Variants in SEPTIN11 observed in about 807,000 individuals in gnomAD.
SEPTIN11 encodes the protein septin-11.
In SEPTIN11, 25 loss-of-function variants were observed where a neutral mutation model predicts 51.4. The ratio of observed to expected loss-of-function variants is 0.49; its 90% CI spans 0.35 to 0.68. The LOEUF (loss-of-function observed/expected upper bound fraction) is 0.68. Among genes scored for constraint, SEPTIN11 ranks in the 30% least tolerant of loss-of-function variants. The probability of loss-of-function intolerance (pLI) is 0.00; values close to 1 mark genes in which losing one functional copy is unlikely to be tolerated. For missense variants in SEPTIN11, 381 were observed against 520.8 expected (o/e 0.73, Z 2.61); for synonymous variants, 174 against 184.1 (o/e 0.95, Z 0.44).
chr4:77,001,166 T>C (rs1724095841), intron 2 of SEPTIN11, among the ~76,000 whole-genome samples: 1 of 152,248 alleles, frequency 6.6e-6, no homozygotes, highest in African/African-American at 2.4e-5. Context: ...TTTACTAGCA[T>C]TGGCAGGAAT....
In SEPTIN11 at chr4:77,034,605, A is replaced by ATT; in HGVS notation, c.*96_*97dup. On this transcript the variant is annotated 3_prime_UTR_variant, in exon 10 of 10. Coordinates refer to ENST00000264893, the MANE Select transcript of SEPTIN11 (RefSeq NM_018243.4). ...GTGTTCTTTAGTTTTATTTTATTTTATTTTATTTTTTTACCCTTCCTCAAA... is the reference window on the plus strand; with the variant it reads ...GTGTTCTTTAGTTTTATTTTATTTTATTTTTTATTTTTTTACCCTTCCTCAAA... 7.1e-7 allele frequency: 1 copy of ATT among 1,403,944 alleles called. No homozygotes were observed. The highest frequency in any genetic ancestry group is 9.3e-7 in the Non-Finnish European group (1 of 1,078,090). 87.0% of individuals were successfully genotyped at this position (1,403,944 alleles called of 1,614,324 possible).
At chr4:76,998,406 C>T (rs951754482) in intron 2 of SEPTIN11, among the ~76,000 whole-genome samples, 8 of 152,182 alleles carry the variant, frequency 5.3e-5, no homozygotes, top group Admixed American at 1.3e-4. Flanking sequence ...AGTATGGGTC[C>T]GCAGGGCTGC....
At chr4:76,982,327 C>G (rs1232611480) in intron 1 of SEPTIN11, among the ~76,000 whole-genome samples, 1 of 152,068 alleles carries the variant, frequency 6.6e-6, no homozygotes, top group Non-Finnish European at 1.5e-5. Flanking sequence ...TCTCCCACCT[C>G]AGCCTCCTTA....
rs140107230 is a variant in SEPTIN11, at chr4:77,011,563, A to G, written c.339-172A>G. 4.8e-3 allele frequency among the ~76,000 whole-genome samples: 737 copies of G among 152,056 alleles called. 1 individual carries two copies. Among genetic ancestry groups the G allele is most frequent in the Non-Finnish European group, 7.7e-3 (524 of 67,958 alleles). ...ACAAATGATTGGGCGTGGCTGGGAC[A>G]GGAGAGGTGAGCCTGGAGCGCTGTT... On this transcript the variant is annotated intron_variant, in intron 3 of 9. Coordinates refer to ENST00000264893, the MANE Select transcript of SEPTIN11 (RefSeq NM_018243.4).
At chr4:77,012,910 G>A (rs780077232) in intron 4 of SEPTIN11, among the ~76,000 whole-genome samples, 4 of 151,664 alleles carry the variant, frequency 2.6e-5, no homozygotes, top group African/African-American at 7.3e-5. Context: ...AGTACTCTTC[G>A]CAGAATAAAT....
chr4:76,957,483 C>A (rs1721612395), intron 1 of SEPTIN11, among the ~76,000 whole-genome samples: 1 of 152,160 alleles, frequency 6.6e-6, no homozygotes, highest in African/African-American at 2.4e-5. Flanking sequence ...CTGTAAAACA[C>A]TAACAGTACT....
chr4:77,020,494 T>A lies in SEPTIN11; in HGVS notation c.785-8T>A. On this transcript the variant is annotated splice_region_variant and splice_polypyrimidine_tract_variant and intron_variant, in intron 6 of 9. Coordinates refer to ENST00000264893, the MANE Select transcript of SEPTIN11 (RefSeq NM_018243.4). ...TCCCACTTCCGCCATTTCCCCCCTC[T>A]CTTGTAGTTGAGAATGAAAATCATT... is the stretch of plus-strand genomic sequence containing the variant. 1.2e-6 allele frequency: 2 copies of A among 1,613,434 alleles called. No homozygotes were observed. The highest frequency in any genetic ancestry group is 1.7e-6 in the Non-Finnish European group (2 of 1,179,690).
chr4:77,038,068 C>T lies in SEPTIN11; in HGVS notation c.*3556C>T. ...TCTGTGTGGTCCTACAAAAACTGTC[C>T]ATTCCCACCCCTTTGCTTTGCCATT... On this transcript the variant is annotated 3_prime_UTR_variant, in exon 10 of 10. Transcript: ENST00000264893. 2.0e-6 allele frequency: 2 copies of T among 985,888 alleles called. No individual in the cohort carries two copies. The highest frequency in any genetic ancestry group is 2.4e-6 in the Non-Finnish European group (2 of 829,944). 61.1% of individuals were successfully genotyped at this position (985,888 alleles called of 1,614,324 possible). A position where few individuals can be genotyped will look rare whatever the true frequency, so the allele number is the denominator to read the frequency against.
chr4:77,029,048 T>C (rs1726399383), intron 8 of SEPTIN11, among the ~76,000 whole-genome samples: 1 of 152,196 alleles, frequency 6.6e-6, no homozygotes, highest in African/African-American at 2.4e-5. Flanking sequence ...ACATGGCCTG[T>C]GTAGCTCTGT....
chr4:76,994,017 C>T (rs1006888118), intron 1 of SEPTIN11, among the ~76,000 whole-genome samples: 20 of 152,168 alleles, frequency 1.3e-4, no homozygotes, highest in African/African-American at 4.8e-4. Flanking sequence ...TATCTGGTAT[C>T]TAAAAACCCA....
chr4:76,993,962 T>C (rs2109931989), intron 1 of SEPTIN11, among the ~76,000 whole-genome samples: 1 of 152,264 alleles, frequency 6.6e-6, no homozygotes, highest in Admixed American at 6.5e-5. Flanking sequence ...ATGAGAGCTA[T>C]AATTACTAAC....
intron 1 of SEPTIN11, among the ~76,000 whole-genome samples, chr4:76,979,848 C>CAA (rs111689525): frequency 8.1e-6 from 1 of 124,202 alleles, no homozygotes; most frequent in African/African-American, 3.0e-5. Flanking sequence ...AACTCCATGT[C>CAA]AAAAAAAAAA....
intron 1 of SEPTIN11, among the ~76,000 whole-genome samples, chr4:76,972,169 G>A (rs1405606875): frequency 6.6e-6 from 1 of 152,108 alleles, no homozygotes. Flanking sequence ...TATTTATCTT[G>A]TTGAGGTTCA....
rs954196250 is a variant in SEPTIN11 at position 77,011,831 on chromosome 4, G to A, written c.435G>A (p.Thr145=). 8.1e-6 allele frequency: 13 copies of A among 1,614,036 alleles called. No homozygotes were observed. The highest frequency in any genetic ancestry group is 2.2e-5 in the East Asian group (1 of 44,876). ...IKRSLFNYHD[T]RIHACLYFIA... ...GTTCTCTCTTCAACTACCATGACAC[G>A]AGGATCCATGCCTGCCTCTACTTTA... Residue 145 remains threonine, a synonymous_variant, in exon 4 of 10, where the codon ACG becomes ACA. Coordinates refer to ENST00000264893, the MANE Select transcript of SEPTIN11 (RefSeq NM_018243.4).
At chr4:77,017,676 T>G (rs1725395909) in intron 5 of SEPTIN11, among the ~76,000 whole-genome samples, 1 of 152,242 alleles carries the variant, frequency 6.6e-6, no homozygotes, top group South Asian at 2.1e-4. Context: ...AGGAATTGGC[T>G]TGAAAACTTT....
At chr4:76,955,422 A>C (rs1334637791) in intron 1 of SEPTIN11, among the ~76,000 whole-genome samples, 1 of 151,970 alleles carries the variant, frequency 6.6e-6, no homozygotes, top group Non-Finnish European at 1.5e-5. Flanking sequence ...TGAGGGAGAG[A>C]CTCTTAAGAA....
intron 3 of SEPTIN11, among the ~76,000 whole-genome samples, chr4:77,008,208 G>T (rs1724620688): frequency 6.6e-6 from 1 of 152,192 alleles, no homozygotes; most frequent in Non-Finnish European, 1.5e-5. Flanking sequence ...AAAGAAAGGG[G>T]CCTGGGGAAG....
chr4:76,986,115 G>A (rs1197953586), intron 1 of SEPTIN11, among the ~76,000 whole-genome samples: 1 of 152,142 alleles, frequency 6.6e-6, no homozygotes. Flanking sequence ...CAGAGGATAG[G>A]GGAGGGTTTA....
chr4:77,021,034 A>G (rs1051810204), intron 7 of SEPTIN11: 1 of 176,848 alleles, frequency 5.7e-6, no homozygotes, highest in Non-Finnish European at 1.2e-5. Context: ...CCTGGTCGAT[A>G]TATTTACAAA....
Sources: gnomAD v4.1 joint callset for allele counts (sites outside exome capture counted in the v4.1 genomes callset) on GRCh38, gnomAD v4.1.1 for gene constraint, MANE v1.5 for transcripts, NCBI Gene and HGNC (gene_info 2026-07-23, HGNC 2026-07-21) for gene names.